Variants in NAV2 observed in about 807,000 individuals in gnomAD.
NAV2 encodes the protein helicase, APC down-regulated 1.
NAV2 carries 54 observed loss-of-function variants against 223.2 expected under a neutral mutation model. The ratio of observed to expected loss-of-function variants is 0.24; its 90% confidence interval spans 0.19 to 0.30. The LOEUF (loss-of-function observed/expected upper bound fraction) is 0.30, where lower values mean the gene tolerates loss of function less well. Ranked by LOEUF, NAV2 falls within the 10% of genes least tolerant of loss-of-function variation. The pLI is 1.00. For missense variants in NAV2, 2,806 were observed against 3,147.5 expected, an observed-to-expected ratio of 0.89 and a Z score of 2.60; for synonymous variants, 1,279 against 1,239.3, an observed-to-expected ratio of 1.03 and a Z score of -0.67.
intron 10 of NAV2, among the ~76,000 whole-genome samples, chr11:19,956,974 A>G (rs183718907): frequency 2.6e-5 from 4 of 152,310 alleles, no homozygotes; most frequent in Non-Finnish European, 5.9e-5. Flanking sequence ...GGGGTTTGCT[A>G]TGAATAACAA....
chr11:19,911,692 C>T (rs1275394245), intron 6 of NAV2, among the ~76,000 whole-genome samples: 1 of 152,004 alleles, frequency 6.6e-6, no homozygotes, highest in Non-Finnish European at 1.5e-5. Flanking sequence ...AGTGGATGAC[C>T]TAGAATGCCT....
chr11:19,397,417 G>GTGTGTGTA (rs1849499177), intron 1 of NAV2, among the ~76,000 whole-genome samples: 2 of 146,148 alleles, frequency 1.4e-5, no homozygotes, highest in Non-Finnish European at 3.0e-5. Flanking sequence ...GTGTGTGTGT[G>GTGTGTGTA]TGCGCGCATG....
chr11:19,935,204 G>A (rs2045739203), intron 7 of NAV2, among the ~76,000 whole-genome samples: 1 of 152,188 alleles, frequency 6.6e-6, no homozygotes, highest in Non-Finnish European at 1.5e-5. Context: ...CTGGAGATGA[G>A]CAGTGCATTT....
At chr11:19,971,836 G>A (rs147699965) in intron 10 of NAV2, among the ~76,000 whole-genome samples, 408 of 152,306 alleles carry the variant, frequency 2.7e-3, no homozygotes, top group African/African-American at 9.4e-3. Context: ...CCAAGTAGCT[G>A]GGATTACAGG....
intron 1 of NAV2, among the ~76,000 whole-genome samples, chr11:19,440,240 T>C (rs1365565472): frequency 6.6e-6 from 1 of 152,190 alleles, no homozygotes; most frequent in Non-Finnish European, 1.5e-5. Context: ...TAGTGGGTGC[T>C]ATGGGAAGCC....
chr11:19,348,006 A>G (rs1169205941), upstream of NAV2, among the ~76,000 whole-genome samples: 2 of 152,184 alleles, frequency 1.3e-5, no homozygotes, highest in Non-Finnish European at 2.9e-5. Context: ...GCACAAGGAC[A>G]GCAACAGCCC....
intron 1 of NAV2, among the ~76,000 whole-genome samples, chr11:19,468,031 A>G (rs997079901): frequency 4.6e-5 from 7 of 152,130 alleles, no homozygotes; most frequent in African/African-American, 1.7e-4. Flanking sequence ...GAAGGAGCTG[A>G]TGAGGGTAAT....
intron 10 of NAV2, among the ~76,000 whole-genome samples, chr11:19,980,260 C>A (rs1166898501): frequency 6.6e-6 from 1 of 152,168 alleles, no homozygotes; most frequent in African/African-American, 2.4e-5. Context: ...GCCGCCTCCA[C>A]CCACCTATCA....
At chr11:19,795,821 C>T (rs1480307544) in intron 1 of NAV2, among the ~76,000 whole-genome samples, 1 of 152,186 alleles carries the variant, frequency 6.6e-6, no homozygotes, top group Admixed American at 6.5e-5. Flanking sequence ...CAAATTGTGG[C>T]TATTTCTTTG....
chr11:19,438,443 CAG>C (rs1197534455), intron 1 of NAV2, among the ~76,000 whole-genome samples: 23 of 152,316 alleles, frequency 1.5e-4, no homozygotes, highest in Admixed American at 3.9e-4. Flanking sequence ...TTCTGTATCT[CAG>C]AGTCTGTTTT....
At chr11:19,358,655 A>G (rs1016132571) in intron 1 of NAV2, among the ~76,000 whole-genome samples, 7 of 152,152 alleles carry the variant, frequency 4.6e-5, no homozygotes, top group Non-Finnish European at 1.0e-4. Context: ...AGAGGTACCA[A>G]TCTGCATACC....
At chr11:19,347,168 A>G (rs934503453), upstream of NAV2, among the ~76,000 whole-genome samples, 1 of 152,200 alleles carries the variant, frequency 6.6e-6, no homozygotes, top group African/African-American at 2.4e-5. Flanking sequence ...ATATTTTGCC[A>G]AAGCTGGGCT....
At chr11:19,368,235 T>C (rs1236314837) in intron 1 of NAV2, among the ~76,000 whole-genome samples, 1 of 152,164 alleles carries the variant, frequency 6.6e-6, no homozygotes, top group Non-Finnish European at 1.5e-5. Flanking sequence ...TATTTTTTCC[T>C]CTCCCGAGGC....
chr11:19,462,367 T>C (rs1310113152), intron 1 of NAV2, among the ~76,000 whole-genome samples: 2 of 152,200 alleles, frequency 1.3e-5, no homozygotes, highest in Non-Finnish European at 2.9e-5. Flanking sequence ...GAATTATTCC[T>C]ATCTTATAGG....
At chr11:19,595,097 G>A (rs1269311977) in intron 1 of NAV2, among the ~76,000 whole-genome samples, 2 of 152,108 alleles carry the variant, frequency 1.3e-5, no homozygotes, top group African/African-American at 4.8e-5. Context: ...GGCAATGGGG[G>A]CTCAGTCCCA....
intron 37 of NAV2, among the ~76,000 whole-genome samples, chr11:20,115,951 A>G (rs1365137758): frequency 6.6e-6 from 1 of 152,192 alleles, no homozygotes; most frequent in South Asian, 2.1e-4. Flanking sequence ...TAACAGTAGT[A>G]TTTCTAATCG....
chr11:19,634,141 C>A (rs780628935), intron 1 of NAV2, among the ~76,000 whole-genome samples: 1 of 152,200 alleles, frequency 6.6e-6, no homozygotes, highest in Non-Finnish European at 1.5e-5. Flanking sequence ...AGCAGGTTTG[C>A]TGCATAGGTT....
intron 11 of NAV2, among the ~76,000 whole-genome samples, chr11:19,997,315 A>G (rs144874745): frequency 7.2e-4 from 109 of 152,246 alleles, no homozygotes; most frequent in African/African-American, 2.3e-3. Flanking sequence ...GGCCCCTCCA[A>G]CTTGTGGAAG....
intron 1 of NAV2, among the ~76,000 whole-genome samples, chr11:19,422,942 C>T (rs914845429): frequency 6.6e-6 from 1 of 152,208 alleles, no homozygotes; most frequent in Non-Finnish European, 1.5e-5. Context: ...CTTCCTCTCT[C>T]TTGGCCATTG....
Sources: allele counts gnomAD v4.1 joint callset (sites outside exome capture counted in the v4.1 genomes callset), GRCh38; gene constraint gnomAD v4.1.1; transcripts MANE v1.5; gene names NCBI Gene and HGNC (gene_info 2026-07-23, HGNC 2026-07-21).